AK8: variants seen among roughly 807,000 people sequenced by gnomAD.
The protein encoded by AK8 is adenylate kinase 8.
Under a neutral mutation model 54.6 loss-of-function variants are expected in AK8, and 44 were observed. That is an observed-to-expected ratio of 0.81 (90% CI 0.63 to 1.04). The LOEUF (loss-of-function observed/expected upper bound fraction) is 1.04. Among genes scored for constraint, AK8 ranks in the 50% least tolerant of loss-of-function variants. AK8 has a pLI of 0.00. For missense variants in AK8, 555 were observed against 613.6 expected, an observed-to-expected ratio of 0.90 and a Z score of 1.01; for synonymous variants, 239 against 245.6, an observed-to-expected ratio of 0.97 and a Z score of 0.25.
rs560752171 is a variant in AK8 at position 132,755,710 on chromosome 9, A to G, written c.1122-28176T>C. 3.3e-5 allele frequency among the ~76,000 whole-genome samples: 5 copies of G among 152,280 alleles called. No individual in the cohort carries two copies. The South Asian group carries it at 1.0e-3, about 32-fold the overall frequency. On this transcript the variant is annotated intron_variant, in intron 11 of 12. Transcript: ENST00000298545. ...TCCCAGGGCCAAAGAGAACACCAGA[A>G]GACCCTTAATTTTACAGGCAGAGTT...
At chr9:132,746,697 G>GC (rs940264819) in intron 11 of AK8, among the ~76,000 whole-genome samples, 2 of 152,198 alleles carry the variant, frequency 1.3e-5, no homozygotes, top group Non-Finnish European at 2.9e-5. Context: ...GTCAAATGGA[G>GC]CAACCAGTGA....
At chr9:132,848,850 T>A (rs1842856135) in intron 5 of AK8, among the ~76,000 whole-genome samples, 1 of 151,588 alleles carries the variant, frequency 6.6e-6, no homozygotes, top group African/African-American at 2.4e-5. Context: ...GGGAGGGAAC[T>A]TAGTTAAAAT....
At chr9:132,807,737 C>T (rs917790756) in intron 10 of AK8, among the ~76,000 whole-genome samples, 1 of 152,192 alleles carries the variant, frequency 6.6e-6, no homozygotes, top group Non-Finnish European at 1.5e-5. Flanking sequence ...TGAGTTTGAA[C>T]AACAGAGTGA....
intron 10 of AK8, among the ~76,000 whole-genome samples, chr9:132,798,764 C>A (rs1840300891): frequency 6.6e-6 from 1 of 150,402 alleles, no homozygotes; most frequent in Non-Finnish European, 1.5e-5. Flanking sequence ...TTATTAAAAT[C>A]TCAATCCATT....
At chr9:132,741,470 C>A (rs111818694) in intron 11 of AK8, among the ~76,000 whole-genome samples, 48 of 152,286 alleles carry the variant, frequency 3.2e-4, no homozygotes, top group African/African-American at 1.1e-3. Flanking sequence ...TGGTCAGCAA[C>A]AGCCCCCCAA....
chr9:132,873,569 C>T (rs918075051), intron 2 of AK8, among the ~76,000 whole-genome samples: 1 of 152,160 alleles, frequency 6.6e-6, no homozygotes, highest in African/African-American at 2.4e-5. Context: ...GCTCTTATTT[C>T]ACTTTTACTT....
At chr9:132,858,677 C>T (rs990619549) in intron 4 of AK8, among the ~76,000 whole-genome samples, 7 of 152,174 alleles carry the variant, frequency 4.6e-5, no homozygotes, top group Admixed American at 3.3e-4. Context: ...CCTTTAGAGA[C>T]AACTCCCATT....
intron 4 of AK8, among the ~76,000 whole-genome samples, chr9:132,863,382 T>C (rs1224851010): frequency 6.6e-6 from 1 of 152,242 alleles, no homozygotes; most frequent in Admixed American, 6.5e-5. Flanking sequence ...AGAGCAAGCC[T>C]GGACCATCCC....
At chr9:132,763,883 A>C (rs1564389398) in intron 11 of AK8, among the ~76,000 whole-genome samples, 1 of 152,278 alleles carries the variant, frequency 6.6e-6, no homozygotes, top group Non-Finnish European at 1.5e-5. Context: ...AGGGAAGTTT[A>C]TAGTGATAAA....
At chr9:132,825,667 C>T (rs953236741) in intron 8 of AK8, among the ~76,000 whole-genome samples, 7 of 152,328 alleles carry the variant, frequency 4.6e-5, no homozygotes, top group Admixed American at 6.5e-5. Flanking sequence ...ACCGCATCTC[C>T]GAGCTCAGTG....
At chr9:132,788,297 TC>T (rs1259586179) in intron 11 of AK8, among the ~76,000 whole-genome samples, 10 of 152,232 alleles carry the variant, frequency 6.6e-5, no homozygotes, top group Non-Finnish European at 1.2e-4. Context: ...TATGCTTGTA[TC>T]TCATTAGCCA....
At chr9:132,833,155 G>A (rs145170462) in intron 5 of AK8, among the ~76,000 whole-genome samples, 71 of 152,300 alleles carry the variant, frequency 4.7e-4, no homozygotes, top group African/African-American at 1.7e-3. Flanking sequence ...TCTGTCCTAC[G>A]GCATTCTCAA....
intron 4 of AK8, among the ~76,000 whole-genome samples, chr9:132,858,580 C>G (rs1006966307): frequency 6.6e-6 from 1 of 152,212 alleles, no homozygotes; most frequent in African/African-American, 2.4e-5. Flanking sequence ...GACCCCCACA[C>G]CCCCCTTCTC....
chr9:132,832,489 T>C (rs1842151269), intron 5 of AK8, among the ~76,000 whole-genome samples: 1 of 152,172 alleles, frequency 6.6e-6, no homozygotes, highest in Admixed American at 6.5e-5. Flanking sequence ...GCTAAATTCA[T>C]ACCCCCTTAT....
chr9:132,827,844 T>G lies in AK8; in HGVS notation c.556+169A>C. On this transcript the variant is annotated intron_variant, in intron 7 of 12. Coordinates refer to ENST00000298545, the MANE Select transcript of AK8 (RefSeq NM_152572.3). ...GCCTCCATTTCCTCATCTACCAGAA[T>G]GTACCCTTGCCAGTGTCTTCCAGCT... 2.7e-5 allele frequency: 17 copies of G among 627,964 alleles called. No individual in the cohort carries two copies. The South Asian group carries it at 3.5e-4, about 13-fold the overall frequency. 38.9% of individuals were successfully genotyped at this position (627,964 alleles called of 1,614,324 possible).
At chr9:132,816,383 G>GA (rs898295434) in intron 9 of AK8, among the ~76,000 whole-genome samples, 11 of 150,330 alleles carry the variant, frequency 7.3e-5, no homozygotes, top group South Asian at 4.2e-4. Context: ...AGAAAGAAAA[G>GA]AAAAAAAAAG....
chr9:132,820,866 G>A (rs1287297711), intron 9 of AK8, among the ~76,000 whole-genome samples: 2 of 152,218 alleles, frequency 1.3e-5, no homozygotes, highest in Non-Finnish European at 2.9e-5. Flanking sequence ...CGCATTTGCA[G>A]AGAGATCTCA....
rs34977784 is a variant in AK8, at chr9:132,736,186, C to CTT, written c.1122-8654_1122-8653dup. On this transcript the variant is annotated intron_variant, in intron 11 of 12. Coordinates refer to ENST00000298545, the MANE Select transcript of AK8 (RefSeq NM_152572.3). ...TACATACGATGAAATACTATTCAGT[C>CTT]TTTTTTTTTTTTTTTTTGAGACGAA... Among the ~76,000 whole-genome samples, 1,064 of 135,290 alleles carry CTT rather than the reference C, an allele frequency of 7.9e-3. 16 individuals are homozygous for CTT. Among genetic ancestry groups the CTT allele is most frequent in the African/African-American group, 0.023 (823 of 36,516 alleles). 88.8% of individuals were successfully genotyped at this position (135,290 alleles called of 152,430 possible).
intron 5 of AK8, among the ~76,000 whole-genome samples, chr9:132,848,121 A>AAAAAAAAAAAAC (rs1842827459): frequency 8.9e-6 from 1 of 112,072 alleles, no homozygotes; most frequent in Non-Finnish European, 1.9e-5. Context: ...GTTTCAAAAA[A>AAAAAAAAAAAAC]AAAAAAAAAA....
Sources: allele counts gnomAD v4.1 joint callset (sites outside exome capture counted in the v4.1 genomes callset), GRCh38; gene constraint gnomAD v4.1.1; transcripts MANE v1.5; gene names NCBI Gene and HGNC (gene_info 2026-07-23, HGNC 2026-07-21).